The following KDM4B variants were observed in gnomAD, a reference collection of about 807,000 sequenced individuals.
KDM4B encodes the protein lysine demethylase 4B.
A neutral mutation model predicts 125.2 loss-of-function variants in KDM4B; 32 were observed. The observed-to-expected ratio is 0.26, with a 90% CI of 0.19 to 0.34. The LOEUF (loss-of-function observed/expected upper bound fraction) is 0.34, where lower values mean the gene tolerates loss of function less well. KDM4B is among the 10% of genes least tolerant of loss of function. KDM4B has a pLI of 1.00. For synonymous variants in KDM4B, 721 were observed against 677.9 expected (o/e 1.06, Z -0.99); for missense variants, 1,190 against 1,577.7 (o/e 0.75, Z 4.16).
intron 7 of KDM4B, chr19:5,074,301 A>C (rs2038034290): frequency 6.6e-6 from 1 of 152,312 alleles, no homozygotes; most frequent in Admixed American, 6.5e-5. Flanking sequence ...TGGGGCACTA[A>C]TGGGGAAAGC....
chr19:5,149,867 T>C (rs1157281436), intron 21 of KDM4B, among the ~76,000 whole-genome samples: 1 of 152,196 alleles, frequency 6.6e-6, no homozygotes. Flanking sequence ...GGGCCACACA[T>C]AAGCCAGGGA....
chr19:5,048,559 G>A (rs532430686), intron 6 of KDM4B, among the ~76,000 whole-genome samples: 7 of 151,022 alleles, frequency 4.6e-5, no homozygotes, highest in South Asian at 2.1e-4. Context: ...TGGGAGCTCC[G>A]CCTTGCCTGG....
intron 6 of KDM4B, among the ~76,000 whole-genome samples, chr19:5,069,605 C>CTGTTTGTTTGTT (rs544924990): frequency 1.4e-5 from 2 of 147,124 alleles, no homozygotes; most frequent in African/African-American, 5.1e-5. Context: ...TGCACCCGGC[C>CTGTTTGTTTGTT]TGTTTGTTTG....
chr19:5,117,900 A>T (rs2039288394), intron 10 of KDM4B, among the ~76,000 whole-genome samples: 1 of 152,154 alleles, frequency 6.6e-6, no homozygotes, highest in South Asian at 2.1e-4. Flanking sequence ...GGGAGCACTG[A>T]TTCTAGCGAG....
At chr19:4,983,476 G>A (rs2034719264) in intron 1 of KDM4B, among the ~76,000 whole-genome samples, 1 of 152,246 alleles carries the variant, frequency 6.6e-6, no homozygotes, top group Admixed American at 6.5e-5. Flanking sequence ...GGTGGTCCTG[G>A]CCTATCTTCC....
At chr19:5,138,227 C>G in intron 18 of KDM4B, 157 bp downstream of exon 18, 1 of 602,456 alleles carries the variant, frequency 1.7e-6, no homozygotes, top group Non-Finnish European at 3.0e-6. Context: ...ATCCCGACTT[C>G]AGCAGGTGTG....
chr19:5,074,943 T>C (rs548152657), intron 7 of KDM4B: 1 of 152,498 alleles, frequency 6.6e-6, no homozygotes, highest in Non-Finnish European at 1.5e-5. Context: ...GCTTCCTGTC[T>C]GCTGCAGGCG....
At chr19:5,066,713 C>T (rs757655198) in intron 6 of KDM4B, among the ~76,000 whole-genome samples, 3 of 152,236 alleles carry the variant, frequency 2.0e-5, no homozygotes, top group Non-Finnish European at 4.4e-5. Flanking sequence ...CGGCCAGCAC[C>T]AGACACCAAG....
At chr19:5,067,296 C>A (rs921661781) in intron 6 of KDM4B, among the ~76,000 whole-genome samples, 2 of 152,194 alleles carry the variant, frequency 1.3e-5, no homozygotes, top group African/African-American at 2.4e-5. Context: ...CTTGCACAGA[C>A]CCACGAGATT....
chr19:5,150,233 A>C (rs2039922319), intron 21 of KDM4B, 125 bp from the exon 22 acceptor site: 2 of 652,386 alleles, frequency 3.1e-6, no homozygotes, highest in South Asian at 3.8e-5. Flanking sequence ...GCTTGGCTGC[A>C]TGTGGCCTCT....
At chr19:5,104,788 T>C (rs1490670984) in intron 9 of KDM4B, among the ~76,000 whole-genome samples, 2 of 152,170 alleles carry the variant, frequency 1.3e-5, no homozygotes, top group African/African-American at 4.8e-5. Flanking sequence ...GCCGTGCCTC[T>C]TCTCTTCCCC....
chr19:5,070,372 A>AC (rs2037908739), intron 6 of KDM4B, among the ~76,000 whole-genome samples: 1 of 151,944 alleles, frequency 6.6e-6, no homozygotes, highest in Non-Finnish European at 1.5e-5. Context: ...GCGGGATGCC[A>AC]CCCCCACTTC....
intron 3 of KDM4B, among the ~76,000 whole-genome samples, chr19:5,033,768 A>T (rs1205375794): frequency 6.6e-6 from 1 of 152,000 alleles, no homozygotes; most frequent in Non-Finnish European, 1.5e-5. Flanking sequence ...CTCTCTCGGC[A>T]TATTGTGCAC....
At chr19:4,987,067 T>C (rs1306382243) in intron 1 of KDM4B, among the ~76,000 whole-genome samples, 1 of 152,012 alleles carries the variant, frequency 6.6e-6, no homozygotes, top group Non-Finnish European at 1.5e-5. Context: ...CAAGCGATTC[T>C]CCTGCCTCAG....
At chr19:5,018,385 G>T (rs2035958390) in intron 2 of KDM4B, among the ~76,000 whole-genome samples, 1 of 152,156 alleles carries the variant, frequency 6.6e-6, no homozygotes, top group African/African-American at 2.4e-5. Context: ...GCTGAGTGCA[G>T]CAACCAGGAG....
chr19:5,000,962 G>C (rs1434742282), intron 1 of KDM4B, among the ~76,000 whole-genome samples: 1 of 152,000 alleles, frequency 6.6e-6, no homozygotes, highest in Non-Finnish European at 1.5e-5. Flanking sequence ...TGCAGGAAAG[G>C]AATCTCGTTA....
At chr19:5,083,746 G>A (rs914341880) in intron 9 of KDM4B, among the ~76,000 whole-genome samples, 4 of 152,178 alleles carry the variant, frequency 2.6e-5, no homozygotes, top group African/African-American at 4.8e-5. Flanking sequence ...GTGGCTGCTC[G>A]TGATGCAGCA....
At chr19:5,095,936 C>T (rs983606406) in intron 9 of KDM4B, among the ~76,000 whole-genome samples, 1 of 152,214 alleles carries the variant, frequency 6.6e-6, no homozygotes, top group Non-Finnish European at 1.5e-5. Context: ...GGACCCCAGC[C>T]GCTGTGAGGC....
chr19:5,130,109 C>T (rs757276064), intron 11 of KDM4B, among the ~76,000 whole-genome samples: 7 of 152,286 alleles, frequency 4.6e-5, no homozygotes, highest in Non-Finnish European at 7.4e-5. Context: ...CAGCCTCTTC[C>T]AGTCTCTCTC....
Sources: allele counts gnomAD v4.1 joint callset (sites outside exome capture counted in the v4.1 genomes callset), GRCh38; gene constraint gnomAD v4.1.1; transcripts MANE v1.5; gene names NCBI Gene and HGNC (gene_info 2026-07-23, HGNC 2026-07-21).